CACNA1D: variants seen among roughly 807,000 people sequenced by gnomAD.
The protein encoded by CACNA1D is calcium voltage-gated channel subunit alpha1 D.
In CACNA1D, 55 loss-of-function variants were observed where a neutral mutation model predicts 257.1. The ratio of observed to expected loss-of-function variants is 0.21; its 90% confidence interval spans 0.17 to 0.27. The LOEUF (loss-of-function observed/expected upper bound fraction) is 0.27, where lower values mean the gene tolerates loss of function less well. Ranked by LOEUF, CACNA1D falls within the 10% of genes least tolerant of loss-of-function variation. The probability of loss-of-function intolerance (pLI) is 1.00; values close to 1 mark genes in which losing one functional copy is unlikely to be tolerated. For synonymous variants in CACNA1D, 980 were observed against 1,014.9 expected (o/e 0.97, Z 0.65); for missense variants, 1,876 against 2,784.0 (o/e 0.67, Z 7.34).
At chr3:53,554,507 C>T (rs1251578306) in intron 3 of CACNA1D, among the ~76,000 whole-genome samples, 12 of 152,204 alleles carry the variant, frequency 7.9e-5, no homozygotes, top group African/African-American at 1.2e-4. Context: ...CTCCCTTCTT[C>T]GTGCCACCAC....
intron 3 of CACNA1D, among the ~76,000 whole-genome samples, chr3:53,635,961 G>A (rs2093878617): frequency 6.6e-6 from 1 of 152,082 alleles, no homozygotes; most frequent in African/African-American, 2.4e-5. Context: ...ACCAACCACC[G>A]GAAATTCACC....
intron 8 of CACNA1D, among the ~76,000 whole-genome samples, chr3:53,695,712 T>G (rs1406091117): frequency 6.6e-6 from 1 of 152,192 alleles, no homozygotes; most frequent in African/African-American, 2.4e-5. Context: ...GAAGTGTGTT[T>G]TTGACCACAT....
chr3:53,531,093 G>A (rs1280807968), intron 3 of CACNA1D, among the ~76,000 whole-genome samples: 1 of 149,144 alleles, frequency 6.7e-6, no homozygotes, highest in Non-Finnish European at 1.5e-5. Context: ...CTGGCCTCAA[G>A]CAGTCCTCTT....
chr3:53,805,077 G>A lies in CACNA1D; in HGVS notation c.5680G>A (p.Asp1894Asn), dbSNP rs199515604. 1.1e-5 allele frequency: 17 copies of A among 1,614,134 alleles called. No homozygotes were observed. The highest frequency in any genetic ancestry group is 2.2e-5 in the East Asian group (1 of 44,874). Reference sequence around the variant, plus strand: ...TCATCCCCAAGGATTCTTGGAGGACGATGACTCGCCCGTTTGCTATGATTC... The same window carrying A: ...TCATCCCCAAGGATTCTTGGAGGACAATGACTCGCCCGTTTGCTATGATTC... ...YHHPQGFLED[D>N]DSPVCYDSRR... The change falls in exon 45 of 48, where the codon GAT becomes AAT. Residue 1894 changes from aspartate (D) to asparagine (N), a missense_variant. Transcript: ENST00000350061.
intron 3 of CACNA1D, among the ~76,000 whole-genome samples, chr3:53,547,914 G>A (rs2092447436): frequency 6.6e-6 from 1 of 152,144 alleles, no homozygotes; most frequent in South Asian, 2.1e-4. Flanking sequence ...TGTATTAAAT[G>A]CCGACTACTT....
At position 53,789,615 on chromosome 3, in the gene CACNA1D, A is replaced by T. The variant is rs1046059431; in HGVS notation, c.4923+2663A>T. On this transcript the variant is annotated intron_variant, in intron 40 of 47. Coordinates refer to ENST00000350061, the MANE Select transcript of CACNA1D (RefSeq NM_001128840.3). The surrounding 1 kb of genome is among the most constrained non-coding windows in gnomAD (Gnocchi z 4.2). ...TGGGCGTGGCCTGTTGAGATGGAGG[A>T]TGGCTTGCCTCCTCCCACAGCAGGG... 6.6e-6 allele frequency among the ~76,000 whole-genome samples: 1 copy of T among 152,214 alleles called. No homozygotes were observed. The highest frequency in any genetic ancestry group is 2.4e-5 in the African/African-American group (1 of 41,460).
At position 53,538,141 on chromosome 3, in the gene CACNA1D, G is replaced by GTTTTT. The variant is rs538996336; in HGVS notation, c.483+36443_483+36447dup. Among the ~76,000 whole-genome samples, 63 of 90,468 alleles carry GTTTTT rather than the reference G, an allele frequency of 7.0e-4. 10 individuals are homozygous for GTTTTT. The highest frequency in any genetic ancestry group is 3.6e-3 in the African/African-American group (60 of 16,674). The allele number at this position is 90,468 out of a possible 152,430, so 59.4% of individuals were successfully genotyped here. On this transcript the variant is annotated intron_variant, in intron 3 of 47. Transcript: ENST00000350061. ...TTCTCCATATTTACCAGTTTTTGAA[G>GTTTTT]TTTTTTTTTTTTTTTTTTTTTTTTT...
intron 39 of CACNA1D, chr3:53,782,262 G>GTATATATATATATATATA (rs1413952414): frequency 4.3e-4 from 18 of 42,008 alleles, no homozygotes; most frequent in East Asian, 1.0e-3. Context: ...GTGTGTGTGT[G>GTATATATATATATATATA]TGTATATATA....
intron 3 of CACNA1D, among the ~76,000 whole-genome samples, chr3:53,569,440 G>A (rs1217784196): frequency 6.6e-6 from 1 of 152,206 alleles, no homozygotes; most frequent in East Asian, 1.9e-4. Context: ...TCCGTTTACT[G>A]TTGTATCCAT....
At chr3:53,595,792 G>C (rs946792268) in intron 3 of CACNA1D, among the ~76,000 whole-genome samples, 1 of 152,146 alleles carries the variant, frequency 6.6e-6, no homozygotes, top group Non-Finnish European at 1.5e-5. Flanking sequence ...TCCTACCCTC[G>C]ATGAGTTTAC....
chr3:53,546,780 G>A (rs931035669), intron 3 of CACNA1D, among the ~76,000 whole-genome samples: 24 of 152,142 alleles, frequency 1.6e-4, no homozygotes, highest in African/African-American at 4.6e-4. Context: ...ATAGACCTGC[G>A]TCCTAGCAGT....
At chr3:53,693,148 C>T (rs1418038461) in intron 8 of CACNA1D, among the ~76,000 whole-genome samples, 4 of 152,190 alleles carry the variant, frequency 2.6e-5, no homozygotes, top group African/African-American at 9.6e-5. Flanking sequence ...TGCCCACCAG[C>T]GGTTCCCATG....
chr3:53,506,322 T>C (rs2090844588), intron 3 of CACNA1D, among the ~76,000 whole-genome samples: 1 of 152,226 alleles, frequency 6.6e-6, no homozygotes, highest in Admixed American at 6.5e-5. Flanking sequence ...CCAACTCTCC[T>C]GTACAGACAC....
At chr3:53,638,798 G>T (rs940630560) in intron 3 of CACNA1D, among the ~76,000 whole-genome samples, 6 of 152,206 alleles carry the variant, frequency 3.9e-5, no homozygotes, top group Admixed American at 1.3e-4. Context: ...GCCACCCACT[G>T]GGACAGATAC....
intron 43 of CACNA1D, 28 bp downstream of exon 43, chr3:53,802,201 T>TAA (rs1559714687): frequency 6.4e-7 from 1 of 1,564,354 alleles, no homozygotes; most frequent in Admixed American, 1.7e-5. Flanking sequence ...GTTTTTGTGT[T>TAA]AAATACTGTG....
intron 39 of CACNA1D, chr3:53,782,491 C>G (rs991775374): frequency 6.6e-6 from 1 of 151,894 alleles, no homozygotes; most frequent in African/African-American, 2.4e-5. Flanking sequence ...TTTATAGCGT[C>G]GCTGCCGCCA....
intron 22 of CACNA1D, among the ~76,000 whole-genome samples, chr3:53,743,791 A>G (rs1221324531): frequency 1.3e-5 from 2 of 152,156 alleles, no homozygotes; most frequent in African/African-American, 4.8e-5. Flanking sequence ...GGTGCTGAGC[A>G]TAGAATCTCC....
intron 39 of CACNA1D, chr3:53,783,017 T>C (rs2095434191): frequency 6.6e-6 from 1 of 152,204 alleles, no homozygotes; most frequent in Admixed American, 6.5e-5. Context: ...AGCAATTCTG[T>C]TTTAGGGTGG....
At chr3:53,732,107 C>A in intron 18 of CACNA1D, 25 bp downstream of exon 18, 1 of 1,575,380 alleles carries the variant, frequency 6.3e-7, no homozygotes, top group Non-Finnish European at 8.7e-7. Flanking sequence ...GCCGGAGACG[C>A]TGGCTTTGCT....
Sources: allele counts gnomAD v4.1 joint callset (sites outside exome capture counted in the v4.1 genomes callset), GRCh38; gene constraint gnomAD v4.1.1; non-coding constraint Gnocchi (gnomAD v3.1); transcripts MANE v1.5; gene names NCBI Gene and HGNC (gene_info 2026-07-23, HGNC 2026-07-21).